Variants in SPAG16 observed in about 807,000 individuals in gnomAD.
SPAG16 encodes sperm-associated antigen 16 protein.
In SPAG16, 86 loss-of-function variants were observed where a neutral mutation model predicts 80.4. The observed-to-expected ratio is 1.07, with a 90% confidence interval of 0.90 to 1.28. SPAG16 has a LOEUF of 1.28. SPAG16 is among the 50% of genes most tolerant of loss of function. SPAG16 has a pLI of 0.00. For synonymous variants in SPAG16, 294 were observed against 265.9 expected (o/e 1.11, Z -1.03); for missense variants, 870 against 765.3 (o/e 1.14, Z -1.61).
intron 11 of SPAG16, among the ~76,000 whole-genome samples, chr2:213,925,175 G>T (rs1317768092): frequency 6.6e-6 from 1 of 151,484 alleles, no homozygotes; most frequent in Non-Finnish European, 1.5e-5. Context: ...TTTTATTTTT[G>T]CAAGCATTTT....
intron 10 of SPAG16, among the ~76,000 whole-genome samples, chr2:213,672,508 A>C (rs954442275): frequency 1.3e-5 from 2 of 152,060 alleles, no homozygotes; most frequent in Admixed American, 1.3e-4. Flanking sequence ...GTCACTGATT[A>C]CTTTTTTGTT....
intron 9 of SPAG16, among the ~76,000 whole-genome samples, chr2:213,402,168 T>A (rs1008220045): frequency 7.4e-4 from 112 of 152,176 alleles, no homozygotes; most frequent in Non-Finnish European, 1.3e-3. Flanking sequence ...TATAATTTTT[T>A]AAAAATTTAT....
intron 10 of SPAG16, among the ~76,000 whole-genome samples, chr2:213,707,904 T>A (rs2065827406): frequency 6.6e-6 from 1 of 152,180 alleles, no homozygotes; most frequent in Non-Finnish European, 1.5e-5. Flanking sequence ...AATCTGGAGA[T>A]ATAGATCCTA....
At chr2:213,749,710 T>G (rs561303236) in intron 10 of SPAG16, among the ~76,000 whole-genome samples, 1 of 152,258 alleles carries the variant, frequency 6.6e-6, no homozygotes, top group Non-Finnish European at 1.5e-5. Flanking sequence ...GTTTATTGAA[T>G]CTTACCTAGA....
At chr2:213,400,224 C>T (rs2068241075) in intron 9 of SPAG16, among the ~76,000 whole-genome samples, 1 of 152,060 alleles carries the variant, frequency 6.6e-6, no homozygotes. Context: ...TTTCCAGCTT[C>T]TTAAGTTGAT....
intron 9 of SPAG16, among the ~76,000 whole-genome samples, chr2:213,402,717 G>T (rs1444533986): frequency 6.6e-6 from 1 of 152,022 alleles, no homozygotes; most frequent in African/African-American, 2.4e-5. Context: ...GAGAATGATG[G>T]TTTCCAGTTT....
At chr2:213,582,478 G>A (rs1487513155) in intron 10 of SPAG16, among the ~76,000 whole-genome samples, 1 of 152,188 alleles carries the variant, frequency 6.6e-6, no homozygotes, top group Non-Finnish European at 1.5e-5. Flanking sequence ...GAAAGAGATA[G>A]TTGAACTCTG....
chr2:214,115,749 G>T (rs1473683923), intron 14 of SPAG16, among the ~76,000 whole-genome samples: 2 of 151,928 alleles, frequency 1.3e-5, no homozygotes. Context: ...GTGGTCTTGT[G>T]TGCCGGTAGT....
chr2:213,795,177 A>G (rs2070948952), intron 10 of SPAG16, among the ~76,000 whole-genome samples: 1 of 152,190 alleles, frequency 6.6e-6, no homozygotes, highest in African/African-American at 2.4e-5. Context: ...GTTGTGAGAT[A>G]AACTCTGTAA....
At chr2:214,267,198 G>T (rs1201186880) in intron 15 of SPAG16, among the ~76,000 whole-genome samples, 1 of 151,478 alleles carries the variant, frequency 6.6e-6, no homozygotes, top group Non-Finnish European at 1.5e-5. Flanking sequence ...TTAAAAAATA[G>T]ATAAAAAGAT....
At chr2:213,912,718 G>C (rs1040792016) in intron 11 of SPAG16, among the ~76,000 whole-genome samples, 2 of 152,100 alleles carry the variant, frequency 1.3e-5, no homozygotes, top group Non-Finnish European at 1.5e-5. Context: ...CTCAGCCCCA[G>C]AATGTACCTG....
chr2:213,969,830 A>AG (rs796191495), intron 12 of SPAG16, among the ~76,000 whole-genome samples: 14 of 152,282 alleles, frequency 9.2e-5, no homozygotes, highest in African/African-American at 3.4e-4. Flanking sequence ...AGAAAAAAAA[A>AG]CACCCTTTAG....
At position 214,012,135 on chromosome 2, in the gene SPAG16, C is replaced by A. The variant is rs116003052; in HGVS notation, c.1401-1816C>A. 9.5e-3 allele frequency among the ~76,000 whole-genome samples: 1,435 copies of A among 150,674 alleles called. 24 individuals carry two copies. Among genetic ancestry groups the A allele is most frequent in the African/African-American group, 0.032 (1,317 of 41,052 alleles). ...TCCTGGCTCCCATTGCAGAGTTTTG[C>A]CCACTACACTATATTATTGTACATG... On this transcript the variant is annotated intron_variant, in intron 12 of 15. Transcript: ENST00000331683.
chr2:213,857,495 A>C (rs1037603463), intron 10 of SPAG16, among the ~76,000 whole-genome samples: 7 of 152,194 alleles, frequency 4.6e-5, no homozygotes, highest in African/African-American at 1.7e-4. Flanking sequence ...ATGACAGCCC[A>C]TCTGTTTACA....
At chr2:213,718,149 C>CAAAAAAAAAAAAA in intron 10 of SPAG16, among the ~76,000 whole-genome samples, 1 of 92,236 alleles carries the variant, frequency 1.1e-5, no homozygotes, top group Non-Finnish European at 2.0e-5. Context: ...AACAAGTTTA[C>CAAAAAAAAAAAAA]AAAAAAAAAA....
intron 9 of SPAG16, among the ~76,000 whole-genome samples, chr2:213,426,443 T>C (rs1023878299): frequency 1.3e-5 from 2 of 152,044 alleles, no homozygotes; most frequent in Admixed American, 6.5e-5. Context: ...AATTTATTAT[T>C]GCATATTTGG....
At chr2:214,012,735 C>T (rs1044032533) in intron 12 of SPAG16, among the ~76,000 whole-genome samples, 1 of 152,148 alleles carries the variant, frequency 6.6e-6, no homozygotes, top group African/African-American at 2.4e-5. Context: ...TCAGTCATTA[C>T]ACATGAGGAG....
chr2:214,338,230 C>T (rs1427049438), intron 15 of SPAG16, among the ~76,000 whole-genome samples: 2 of 152,048 alleles, frequency 1.3e-5, no homozygotes, highest in African/African-American at 2.4e-5. Context: ...AAAAAAATAT[C>T]CTCAGCCAAG....
chr2:213,469,002 T>C, intron 9 of SPAG16, among the ~76,000 whole-genome samples: 1 of 152,110 alleles, frequency 6.6e-6, no homozygotes, highest in East Asian at 1.9e-4. Context: ...GATTAGATTG[T>C]GCCCACCCAG....
Sources: allele counts gnomAD v4.1 joint callset (sites outside exome capture counted in the v4.1 genomes callset), GRCh38; gene constraint gnomAD v4.1.1; transcripts MANE v1.5; gene names NCBI Gene and HGNC (gene_info 2026-07-23, HGNC 2026-07-21).